Variants in ABCB1 observed in about 807,000 individuals in gnomAD.
ABCB1 encodes ATP-dependent translocase ABCB1.
In ABCB1, 69 loss-of-function variants were observed where a neutral mutation model predicts 142.0. The observed-to-expected ratio is 0.49, with a 90% CI of 0.40 to 0.59. The LOEUF (loss-of-function observed/expected upper bound fraction) is 0.59. Among genes scored for constraint, ABCB1 ranks in the 20% least tolerant of loss-of-function variants. ABCB1 has a pLI of 0.00. For missense variants in ABCB1, 1,326 were observed against 1,554.7 expected (o/e 0.85, Z 2.47); for synonymous variants, 532 against 539.2 (o/e 0.99, Z 0.18).
intron 1 of ABCB1, among the ~76,000 whole-genome samples, chr7:87,683,294 A>G (rs1167731386): frequency 6.6e-6 from 1 of 152,046 alleles, no homozygotes; most frequent in African/African-American, 2.4e-5. Context: ...CACTTCCTTC[A>G]TGTGTTCACT....
At chr7:87,647,978 A>G (rs1180208450) in intron 1 of ABCB1, among the ~76,000 whole-genome samples, 1 of 152,008 alleles carries the variant, frequency 6.6e-6, no homozygotes, top group Non-Finnish European at 1.5e-5. Context: ...AGGTCAAGAA[A>G]TCGAGACCAT....
At chr7:87,566,037 A>C (rs775112289) in intron 7 of ABCB1, 33 bp downstream of exon 7, 2 of 1,612,640 alleles carry the variant, frequency 1.2e-6, no homozygotes, top group East Asian at 4.5e-5. Context: ...GAGAAGGTGC[A>C]GTTCAAAATC....
At chr7:87,686,659 G>C (rs752233550) in intron 1 of ABCB1, among the ~76,000 whole-genome samples, 3 of 151,848 alleles carry the variant, frequency 2.0e-5, no homozygotes, top group Admixed American at 1.3e-4. Context: ...GAAAAAGTTA[G>C]CCAGGTGCAG....
chr7:87,530,933 GGAAA>G (rs1320785664), intron 21 of ABCB1, among the ~76,000 whole-genome samples: 2 of 149,794 alleles, frequency 1.3e-5, no homozygotes, highest in Non-Finnish European at 3.0e-5. Flanking sequence ...AAGAAAAGAA[GGAAA>G]GAAGGAAGGA....
In ABCB1 at chr7:87,578,795, G is replaced by A. The variant is rs1818382469; in HGVS notation, c.286+6717C>T. On this transcript the variant is annotated intron_variant, in intron 4 of 27. Coordinates refer to ENST00000622132, the MANE Select transcript of ABCB1 (RefSeq NM_001348946.2). ...TGCAAGCTCCGCCTCCCGGGTTCAC[G>A]CCATTCTCCTGCCTCAGCCTCCCAA... is the stretch of plus-strand genomic sequence containing the variant. 2.0e-5 allele frequency among the ~76,000 whole-genome samples: 3 copies of A among 148,470 alleles called. No homozygotes were observed. The Admixed American group carries it at 2.1e-4, about 10-fold the overall frequency.
At chr7:87,615,377 T>C (rs1262978291) in intron 1 of ABCB1, among the ~76,000 whole-genome samples, 2 of 152,050 alleles carry the variant, frequency 1.3e-5, no homozygotes, top group Non-Finnish European at 2.9e-5. Flanking sequence ...AAAAGAGCAG[T>C]AGGAGATGAT....
chr7:87,709,289 T>C lies in ABCB1; in HGVS notation c.-331+3872A>G, dbSNP rs1178714391. On this transcript the variant is annotated intron_variant, in intron 1 of 28. Coordinates refer to the ABCB1 transcript ENST00000265724. ...CTGGAGAGCAACTTTCTTGACTTCA[T>C]TGGTGAAATTGTAGCCTTTTGATTC... The C allele has an allele frequency of 7.1e-6, 7 of 985,138 alleles. No homozygotes were observed. The African/African-American group carries it at 1.2e-4, about 17-fold the overall frequency. The allele number at this position is 985,138 out of a possible 1,614,324, so 61.0% of individuals were successfully genotyped here.
chr7:87,641,134 A>G (rs1822411772), intron 1 of ABCB1, among the ~76,000 whole-genome samples: 1 of 152,134 alleles, frequency 6.6e-6, no homozygotes, highest in Admixed American at 6.6e-5. Flanking sequence ...TTTCTTTAAT[A>G]CTTTTGTTGT....
chr7:87,699,287 T>C (rs1441285535), intron 1 of ABCB1, among the ~76,000 whole-genome samples: 3 of 152,108 alleles, frequency 2.0e-5, no homozygotes, highest in Admixed American at 2.0e-4. Context: ...TAAACAACTT[T>C]CCTAGGGAAG....
intron 1 of ABCB1, among the ~76,000 whole-genome samples, chr7:87,641,279 C>T (rs941789247): frequency 6.6e-6 from 1 of 152,134 alleles, no homozygotes; most frequent in African/African-American, 2.4e-5. Flanking sequence ...AGAAAGATAT[C>T]GCCAACAGTT....
chr7:87,548,067 GGAAGA>G (rs1168197971), intron 14 of ABCB1, among the ~76,000 whole-genome samples: 2 of 140,524 alleles, frequency 1.4e-5, no homozygotes, highest in Admixed American at 7.4e-5. Flanking sequence ...GGAGAGGAGA[GGAAGA>G]GAAGAGAAGA....
intron 2 of ABCB1, 32 bp downstream of exon 2, chr7:87,600,085 T>A: frequency 6.3e-7 from 1 of 1,575,722 alleles, no homozygotes; most frequent in Non-Finnish European, 8.7e-7. Context: ...CTCGCAACTA[T>A]GTAAACTATG....
intron 6 of ABCB1, 85 bp downstream of exon 6, chr7:87,566,700 A>C (rs571500006): frequency 7.6e-7 from 1 of 1,319,190 alleles, no homozygotes; most frequent in Non-Finnish European, 1.1e-6. Context: ...ATACATTAAC[A>C]CCTCCTAACA....
At chr7:87,647,563 A>G (rs1038352927) in intron 1 of ABCB1, among the ~76,000 whole-genome samples, 2 of 152,224 alleles carry the variant, frequency 1.3e-5, no homozygotes, top group East Asian at 3.8e-4. Flanking sequence ...TATTTTGTTT[A>G]TAATTAGTAA....
chr7:87,649,024 T>C (rs1343982519), intron 1 of ABCB1, among the ~76,000 whole-genome samples: 2 of 152,158 alleles, frequency 1.3e-5, no homozygotes, highest in East Asian at 1.9e-4. Flanking sequence ...TAAAAAAAGC[T>C]TGTACTCTTT....
intron 1 of ABCB1, among the ~76,000 whole-genome samples, chr7:87,608,443 C>T (rs28381787): frequency 0.03 from 4,565 of 152,290 alleles, 64 homozygotes; most frequent in Middle Eastern, 0.048. Context: ...CTGTGCTTAG[C>T]AAATTATTCT....
At chr7:87,701,826 T>C (rs1436264271) in intron 1 of ABCB1, among the ~76,000 whole-genome samples, 1 of 152,004 alleles carries the variant, frequency 6.6e-6, no homozygotes, top group East Asian at 1.9e-4. Flanking sequence ...GTAAAGACAC[T>C]AAAGAGATTA....
Position 87,641,011 on chromosome 7 carries a change from A to G in ABCB1, c.-330-39933T>C, listed in dbSNP as rs138419350. 7.0e-3 allele frequency among the ~76,000 whole-genome samples: 1,069 copies of G among 152,144 alleles called. 15 individuals carry two copies. The highest frequency in any genetic ancestry group is 0.024 in the African/African-American group (988 of 41,512). On this transcript the variant is annotated intron_variant, in intron 1 of 28. Transcript: ENST00000265724. ...TAATTTAGAATTTTGAATTATCTTT[A>G]TATCTACTTTTATGGTCTGCTTTTT...
At chr7:87,535,461 T>C (rs1417474904) in intron 20 of ABCB1, among the ~76,000 whole-genome samples, 1 of 151,856 alleles carries the variant, frequency 6.6e-6, no homozygotes, top group African/African-American at 2.4e-5. Flanking sequence ...GCCTCCCGAG[T>C]AGCTGGGATT....
Sources: gnomAD v4.1 joint callset for allele counts (sites outside exome capture counted in the v4.1 genomes callset) on GRCh38, gnomAD v4.1.1 for gene constraint, MANE v1.5 for transcripts, NCBI Gene and HGNC (gene_info 2026-07-23, HGNC 2026-07-21) for gene names.